Variants in UNC79 observed in about 807,000 individuals in gnomAD.
UNC79 encodes the protein unc-79 subunit of NALCN channel complex, also known as protein unc-79 homolog.
UNC79 carries 37 observed loss-of-function variants against 283.1 expected under a neutral mutation model. The observed-to-expected ratio is 0.13, with a 90% confidence interval of 0.10 to 0.17. The LOEUF is 0.17. UNC79 is among the 10% of genes least tolerant of loss of function. The pLI is 1.00. For synonymous variants in UNC79, 1,107 were observed against 1,200.2 expected, an observed-to-expected ratio of 0.92 and a Z score of 1.61; for missense variants, 2,272 against 3,211.1, an observed-to-expected ratio of 0.71 and a Z score of 7.07.
At chr14:93,550,533 A>AAG (rs1555449178) in intron 14 of UNC79, among the ~76,000 whole-genome samples, 1 of 122,574 alleles carries the variant, frequency 8.2e-6, no homozygotes, top group Non-Finnish European at 1.6e-5. Flanking sequence ...AAAAAAAAAA[A>AAG]AAAAAAAAGA....
chr14:93,693,855 C>T (rs113422046), intron 46 of UNC79, among the ~76,000 whole-genome samples: 7 of 152,290 alleles, frequency 4.6e-5, no homozygotes, highest in African/African-American at 1.7e-4. Context: ...GGTGCTTTCT[C>T]TAAGACAAAT....
intron 1 of UNC79, among the ~76,000 whole-genome samples, chr14:93,355,611 A>AATC (rs2054070749): frequency 6.6e-6 from 1 of 152,076 alleles, no homozygotes; most frequent in Non-Finnish European, 1.5e-5. Context: ...GGGATTATAG[A>AATC]TGTGAGCCAC....
chr14:93,343,653 G>A (rs182095387), intron 1 of UNC79, among the ~76,000 whole-genome samples: 72 of 152,216 alleles, frequency 4.7e-4, no homozygotes, highest in African/African-American at 1.7e-3. Context: ...TTGGGGCTGA[G>A]GTAGTGCAAT....
intron 8 of UNC79, among the ~76,000 whole-genome samples, chr14:93,528,019 A>T (rs2060625459): frequency 6.6e-6 from 1 of 151,978 alleles, no homozygotes; most frequent in African/African-American, 2.4e-5. Context: ...TGGATGATTG[A>T]TACAGAACTA....
chr14:93,385,949 T>G (rs1566905802), intron 1 of UNC79, among the ~76,000 whole-genome samples: 1 of 152,212 alleles, frequency 6.6e-6, no homozygotes, highest in East Asian at 1.9e-4. Context: ...CCTTTCCAAC[T>G]TGGATGCCCT....
intron 14 of UNC79, among the ~76,000 whole-genome samples, chr14:93,559,085 G>T (rs2062383538): frequency 6.6e-6 from 1 of 152,142 alleles, no homozygotes. Context: ...TTTGTGAATT[G>T]GGCAGCCCCC....
At chr14:93,604,744 C>T (rs79072784) in intron 26 of UNC79, among the ~76,000 whole-genome samples, 152 bp from the exon 27 acceptor site, 3,338 of 152,230 alleles carry the variant, frequency 0.022, 53 homozygotes, top group Non-Finnish European at 0.031. Context: ...AACTGCAAAA[C>T]GTTTGTTACA....
exon 24 of UNC79, chr14:93,597,479 A>G (rs1465505007): frequency 6.8e-6 from 11 of 1,613,954 alleles, no homozygotes; most frequent in Admixed American, 1.7e-5. Flanking sequence ...GAGGATGTCA[A>G]CCCCGCAGTG....
At chr14:93,575,611 G>A (rs562598397) in intron 17 of UNC79, among the ~76,000 whole-genome samples, 33 of 152,154 alleles carry the variant, frequency 2.2e-4, no homozygotes, top group African/African-American at 7.5e-4. Flanking sequence ...TCAACTACTG[G>A]TGACTGTGAG....
At chr14:93,603,468 G>A in intron 26 of UNC79, 50 bp downstream of exon 26, 1 of 1,581,940 alleles carries the variant, frequency 6.3e-7, no homozygotes, top group East Asian at 2.3e-5. Flanking sequence ...ATGTCTTTCT[G>A]AGGCTGACTT....
chr14:93,575,045 C>A lies in UNC79; in HGVS notation c.2071-13C>A. ...CATGTGTTTTTTGGGGGATATATGC[C>A]TTTTTTCCCTAGGTATTATCGGAGT... On this transcript the variant is annotated splice_polypyrimidine_tract_variant and intron_variant, in intron 16 of 48. Transcript: ENST00000555664. 1 of 1,587,768 alleles carries A rather than the reference C, an allele frequency of 6.3e-7. No individual in the cohort carries two copies. Among genetic ancestry groups the A allele is most frequent in the Non-Finnish European group, 8.6e-7 (1 of 1,169,074 alleles).
chr14:93,524,251 G>A (rs1029444796), intron 8 of UNC79, among the ~76,000 whole-genome samples: 18 of 152,198 alleles, frequency 1.2e-4, no homozygotes, highest in African/African-American at 3.9e-4. Context: ...CTATGCGTTC[G>A]TAGCCAAGTG....
chr14:93,472,372 C>T (rs1326349272), intron 2 of UNC79, among the ~76,000 whole-genome samples: 1 of 151,982 alleles, frequency 6.6e-6, no homozygotes, highest in Non-Finnish European at 1.5e-5. Flanking sequence ...TAGATACAGT[C>T]AGGTGGTAAC....
intron 15 of UNC79, 120 bp downstream of exon 15, chr14:93,572,204 A>G (rs2063243435): frequency 1.3e-5 from 13 of 1,037,416 alleles, no homozygotes; most frequent in Non-Finnish European, 1.7e-5. Context: ...TTTTTTAACC[A>G]CCCTGTGGAG....
intron 42 of UNC79, among the ~76,000 whole-genome samples, chr14:93,686,237 C>T (rs563709454): frequency 6.6e-6 from 1 of 152,282 alleles, no homozygotes; most frequent in Admixed American, 6.5e-5. Flanking sequence ...GACTCTGATG[C>T]TAATGGCATG....
chr14:93,369,192 C>A (rs568030769), intron 1 of UNC79, among the ~76,000 whole-genome samples: 153 of 152,314 alleles, frequency 1.0e-3, no homozygotes, highest in Non-Finnish European at 1.7e-3. Flanking sequence ...AAAGGAAATA[C>A]ATTAGGTAGG....
chr14:93,622,251 A>G, exon 30 of UNC79: 1 of 1,614,066 alleles, frequency 6.2e-7, no homozygotes, highest in Non-Finnish European at 8.5e-7. Context: ...GTCCCCAGCC[A>G]TCCCTCCGTC....
intron 7 of UNC79, among the ~76,000 whole-genome samples, chr14:93,506,533 A>C (rs2059551495): frequency 6.6e-6 from 1 of 152,218 alleles, no homozygotes; most frequent in Non-Finnish European, 1.5e-5. Flanking sequence ...TATCAAAGTC[A>C]ATTGCCAATT....
chr14:93,554,323 G>A (rs193239512), intron 14 of UNC79, among the ~76,000 whole-genome samples: 13 of 151,184 alleles, frequency 8.6e-5, no homozygotes, highest in Admixed American at 3.9e-4. Flanking sequence ...ACTCCAGCCT[G>A]GGTGACTGGC....
Sources: gnomAD v4.1 joint callset for allele counts (sites outside exome capture counted in the v4.1 genomes callset) on GRCh38, gnomAD v4.1.1 for gene constraint, MANE v1.5 for transcripts, NCBI Gene and HGNC (gene_info 2026-07-23, HGNC 2026-07-21) for gene names.